The following BICD1 variants were observed in gnomAD, a reference collection of about 807,000 sequenced individuals.
BICD1 encodes the protein protein bicaudal D homolog 1.
BICD1 carries 35 observed loss-of-function variants against 92.5 expected under a neutral mutation model. That is an observed-to-expected ratio of 0.38 (90% CI 0.29 to 0.50). The LOEUF is 0.50. Among genes scored for constraint, BICD1 ranks in the 20% least tolerant of loss-of-function variants. The pLI is 0.93. For missense variants in BICD1, 950 were observed against 1,189.8 expected, an observed-to-expected ratio of 0.80 and a Z score of 2.97; for synonymous variants, 429 against 465.1, an observed-to-expected ratio of 0.92 and a Z score of 1.00.
intron 1 of BICD1, among the ~76,000 whole-genome samples, chr12:32,110,981 G>A (rs1256608030): frequency 6.7e-6 from 1 of 150,362 alleles, no homozygotes; most frequent in Admixed American, 6.6e-5. Flanking sequence ...AAAACTTAAA[G>A]TATAATAATA....
At chr12:32,208,388 G>T (rs1945123469) in intron 1 of BICD1, among the ~76,000 whole-genome samples, 1 of 152,198 alleles carries the variant, frequency 6.6e-6, no homozygotes, top group African/African-American at 2.4e-5. Flanking sequence ...TGAGAAAGAA[G>T]CTATTATTAT....
At chr12:32,250,996 G>A (rs1234806674) in intron 2 of BICD1, among the ~76,000 whole-genome samples, 1 of 151,432 alleles carries the variant, frequency 6.6e-6, no homozygotes, top group Non-Finnish European at 1.5e-5. Context: ...TCAAAAAAAA[G>A]AAGAAGTATA....
rs188471450 is a variant in BICD1 at position 32,374,516 on chromosome 12, G to T, written c.2841-3024G>T. Among the ~76,000 whole-genome samples, 454 of 150,774 alleles carry T rather than the reference G, an allele frequency of 3.0e-3. 6 individuals are homozygous for T. Among genetic ancestry groups the T allele is most frequent in the African/African-American group, 0.01 (431 of 41,160 alleles). On this transcript the variant is annotated intron_variant, in intron 9 of 9. Coordinates refer to ENST00000652176, the MANE Select transcript of BICD1 (RefSeq NM_001714.4). ...TCAAACTCTGTTTGGAGGGTCAAGT[G>T]TGAATCTTGCCATACATTATTTTCT...
Position 32,378,329 on chromosome 12 carries a change from AT to A in BICD1, c.*707del, listed in dbSNP as rs1341562494. Reference sequence around the variant, plus strand: ...ATTAACTGCTGGGTTTTGTTTTTGTATTTTTAACTAGAGTTCTTCACTGGAC... The same window carrying A: ...ATTAACTGCTGGGTTTTGTTTTTGTATTTTAACTAGAGTTCTTCACTGGAC... On this transcript the variant is annotated 3_prime_UTR_variant, in exon 10 of 10. Coordinates refer to ENST00000652176, the MANE Select transcript of BICD1 (RefSeq NM_001714.4). The A allele has an allele frequency of 6.6e-6, 1 of 152,186 alleles. No homozygotes were observed. The highest frequency in any genetic ancestry group is 1.5e-5 in the Non-Finnish European group (1 of 68,036). The allele number at this position is 152,186 out of a possible 1,614,324, so 9.4% of individuals were successfully genotyped here.
Position 32,365,096 on chromosome 12 carries a change from G to A in BICD1, c.2765-2574G>A, listed in dbSNP as rs1159116529. 2.0e-5 allele frequency among the ~76,000 whole-genome samples: 3 copies of A among 152,266 alleles called. No individual in the cohort carries two copies. In the East Asian group the frequency reaches 5.8e-4, roughly 29 times the overall value. Reference sequence around the variant, plus strand: ...ACTAAAAATACAAACAATTAGCTGGGCGTGGTGGCGCACGCTTGTAATCCC... The same window carrying A: ...ACTAAAAATACAAACAATTAGCTGGACGTGGTGGCGCACGCTTGTAATCCC... On this transcript the variant is annotated intron_variant, in intron 8 of 9. Coordinates refer to ENST00000652176, the MANE Select transcript of BICD1 (RefSeq NM_001714.4).
chr12:32,376,640 G>A (rs1939978036), intron 9 of BICD1, among the ~76,000 whole-genome samples: 1 of 151,986 alleles, frequency 6.6e-6, no homozygotes, highest in African/African-American at 2.4e-5. Context: ...GGCCGAGGCA[G>A]GTGGATCACC....
rs1427584190 is a variant in BICD1 at position 32,381,164 on chromosome 12, A to C, written c.*3537A>C. 1 of 151,928 alleles carries C rather than the reference A, an allele frequency of 6.6e-6. No homozygotes were observed. The highest frequency in any genetic ancestry group is 1.9e-4 in the East Asian group (1 of 5,184). 9.4% of individuals were successfully genotyped at this position (151,928 alleles called of 1,614,324 possible). ...ATTTGAAAATAGGATGGCAATCTTT[A>C]TTTTTCCAAGATATTTGTTGGAAAA... On this transcript the variant is annotated 3_prime_UTR_variant, in exon 10 of 10. Coordinates refer to ENST00000652176, the MANE Select transcript of BICD1 (RefSeq NM_001714.4).
rs11051933 is a variant in BICD1, at chr12:32,321,154, C to T, written c.1006-6307C>T. The stretch of plus-strand genomic sequence containing the variant: ...GAGCCTGGTCAACATGGTGAAACCC[C>T]GTCTCTGTGAAAAATACAAAAATTA... On this transcript the variant is annotated intron_variant, in intron 4 of 9. Transcript: ENST00000652176. Among the ~76,000 whole-genome samples the T allele has an allele frequency of 0.023, 3,519 of 151,966 alleles. 248 individuals are homozygous for T. The East Asian group carries it at 0.27, about 12-fold the overall frequency.
At chr12:32,204,707 C>T (rs1051730123) in intron 1 of BICD1, among the ~76,000 whole-genome samples, 1 of 152,188 alleles carries the variant, frequency 6.6e-6, no homozygotes, top group African/African-American at 2.4e-5. Flanking sequence ...AATACTTACA[C>T]CTGGCCCTTA....
chr12:32,331,279 A>T (rs1364631988), intron 5 of BICD1, among the ~76,000 whole-genome samples: 1 of 152,198 alleles, frequency 6.6e-6, no homozygotes, highest in Admixed American at 6.5e-5. Flanking sequence ...AAAATAAATG[A>T]CATAATCTAG....
chr12:32,230,399 C>CAAATAAATAAATAAAT (rs535189097), intron 2 of BICD1, among the ~76,000 whole-genome samples: 3 of 133,300 alleles, frequency 2.3e-5, no homozygotes, highest in Admixed American at 8.3e-5. Context: ...GACCCTGTCT[C>CAAATAAATAAATAAAT]AAATAAATAA....
intron 9 of BICD1, among the ~76,000 whole-genome samples, chr12:32,371,308 G>C (rs1592730093): frequency 6.6e-6 from 1 of 152,276 alleles, no homozygotes. Flanking sequence ...GATCTGAAAA[G>C]ACTCTTTTCC....
At chr12:32,191,443 G>A (rs1394760784) in intron 1 of BICD1, among the ~76,000 whole-genome samples, 1 of 151,460 alleles carries the variant, frequency 6.6e-6, no homozygotes, top group Non-Finnish European at 1.5e-5. Flanking sequence ...ACAAATTGAA[G>A]GTTTGTGGCA....
chr12:32,199,551 C>A (rs974093281), intron 1 of BICD1, among the ~76,000 whole-genome samples: 4 of 152,162 alleles, frequency 2.6e-5, no homozygotes, highest in Non-Finnish European at 5.9e-5. Flanking sequence ...TATCACCAGA[C>A]CAACTCAAAA....
intron 1 of BICD1, among the ~76,000 whole-genome samples, chr12:32,208,810 G>GTTTTCTTTCTTTTTATTT (rs1171507311): frequency 6.6e-6 from 1 of 151,848 alleles, no homozygotes; most frequent in East Asian, 1.9e-4. Context: ...TGGGCTCAGT[G>GTTTTCTTTCTTTTTATTT]TTTTCTTTCT....
In BICD1 at chr12:32,378,758, C is replaced by T. The variant is rs902173234; in HGVS notation, c.*1131C>T. ...TTTTTTCATAACGAATCTTCCTTGC[C>T]AAAAAAACAATAGATAATAAACCTT... On this transcript the variant is annotated 3_prime_UTR_variant, in exon 10 of 10. Transcript: ENST00000652176. The T allele has an allele frequency of 6.6e-6, 1 of 151,648 alleles. No individual in the cohort carries two copies. Among genetic ancestry groups the T allele is most frequent in the African/African-American group, 2.4e-5 (1 of 41,272 alleles). The allele number at this position is 151,648 out of a possible 1,614,324, so 9.4% of individuals were successfully genotyped here. A position where few individuals can be genotyped will look rare whatever the true frequency, so the allele number is the denominator to read the frequency against.
chr12:32,158,400 GC>G (rs1312709088), intron 1 of BICD1, among the ~76,000 whole-genome samples: 1 of 152,104 alleles, frequency 6.6e-6, no homozygotes, highest in African/African-American at 2.4e-5. Context: ...GAGCCACCGT[GC>G]CTGGCCCAAG....
intron 8 of BICD1, chr12:32,339,258 C>T (rs1938260705): frequency 1.8e-5 from 20 of 1,131,598 alleles, no homozygotes; most frequent in Non-Finnish European, 2.2e-5. Flanking sequence ...GCACAACGCA[C>T]ACACACTTGG....
At chr12:32,309,925 A>G (rs927717631) in intron 4 of BICD1, among the ~76,000 whole-genome samples, 1 of 152,148 alleles carries the variant, frequency 6.6e-6, no homozygotes, top group Non-Finnish European at 1.5e-5. Flanking sequence ...GCTATCCCTG[A>G]CAGTTTGTAT....
Sources: gnomAD v4.1 joint callset for allele counts (sites outside exome capture counted in the v4.1 genomes callset) on GRCh38, gnomAD v4.1.1 for gene constraint, MANE v1.5 for transcripts, NCBI Gene and HGNC (gene_info 2026-07-23, HGNC 2026-07-21) for gene names.